Variants in STIM1 observed in about 807,000 individuals in gnomAD.
STIM1 encodes the protein stromal interaction molecule 1.
Under a neutral mutation model 74.7 loss-of-function variants are expected in STIM1, and 25 were observed. The observed-to-expected ratio is 0.33, with a 90% CI of 0.24 to 0.47. The LOEUF (loss-of-function observed/expected upper bound fraction) is 0.47. Among genes scored for constraint, STIM1 ranks in the 20% least tolerant of loss-of-function variants. The pLI is 1.00. For missense variants in STIM1, 728 were observed against 920.8 expected, an observed-to-expected ratio of 0.79 and a Z score of 2.71; for synonymous variants, 328 against 348.8, an observed-to-expected ratio of 0.94 and a Z score of 0.66.
intron 2 of STIM1, among the ~76,000 whole-genome samples, chr11:3,977,457 G>C (rs992094087): frequency 1.3e-5 from 2 of 152,166 alleles, no homozygotes; most frequent in Non-Finnish European, 2.9e-5. Flanking sequence ...ACTCCATTCT[G>C]CCTCTTCCAG....
intron 1 of STIM1, among the ~76,000 whole-genome samples, chr11:3,939,778 T>G (rs2092982361): frequency 6.6e-6 from 1 of 152,198 alleles, no homozygotes; most frequent in African/African-American, 2.4e-5. Flanking sequence ...ATTCTTTGTT[T>G]CCTTGGCCAG....
chr11:3,887,625 G>T (rs1329900882), intron 1 of STIM1, among the ~76,000 whole-genome samples: 2 of 152,128 alleles, frequency 1.3e-5, no homozygotes, highest in Non-Finnish European at 2.9e-5. Flanking sequence ...TACTTTTGGG[G>T]TATGGCTGCT....
At chr11:3,974,083 C>G (rs192851152) in intron 2 of STIM1, 3 of 703,598 alleles carry the variant, frequency 4.3e-6, no homozygotes, top group African/African-American at 3.5e-5. Flanking sequence ...CCCTGGAGCA[C>G]TTGGTATTTG....
intron 1 of STIM1, chr11:3,892,895 A>T (rs2091941257): frequency 6.9e-7 from 1 of 1,448,922 alleles, no homozygotes; most frequent in Admixed American, 1.7e-5. Context: ...CACGGCTGAT[A>T]GTACGGGGCT....
intron 1 of STIM1, among the ~76,000 whole-genome samples, chr11:3,901,621 A>G (rs953705514): frequency 6.6e-6 from 1 of 152,232 alleles, no homozygotes; most frequent in Non-Finnish European, 1.5e-5. Flanking sequence ...GCTCTATGAG[A>G]TTGCTGATAT....
At chr11:3,941,282 A>G (rs2093001594) in intron 1 of STIM1, among the ~76,000 whole-genome samples, 2 of 152,208 alleles carry the variant, frequency 1.3e-5, no homozygotes, top group African/African-American at 4.8e-5. Flanking sequence ...GTAGGTAATG[A>G]AGATCCATGA....
chr11:3,938,975 A>G (rs2092971161), intron 1 of STIM1, among the ~76,000 whole-genome samples: 1 of 152,160 alleles, frequency 6.6e-6, no homozygotes, highest in African/African-American at 2.4e-5. Context: ...GACTCTTACT[A>G]ATTTTCTCCA....
intron 1 of STIM1, among the ~76,000 whole-genome samples, chr11:3,915,672 T>C (rs7927493): frequency 0.93 from 141,437 of 152,200 alleles, 65,746 homozygotes; most frequent in African/African-American, 0.95. Flanking sequence ...GCTGGGATTA[T>C]AGGCATGAGC....
intron 3 of STIM1, among the ~76,000 whole-genome samples, chr11:4,042,736 C>T (rs1017441257): frequency 6.6e-6 from 1 of 152,156 alleles, no homozygotes; most frequent in African/African-American, 2.4e-5. Flanking sequence ...TCTTTGTTCA[C>T]GATTCTTTCT....
At chr11:3,909,272 T>A (rs2092520376) in intron 1 of STIM1, among the ~76,000 whole-genome samples, 1 of 152,108 alleles carries the variant, frequency 6.6e-6, no homozygotes, top group Non-Finnish European at 1.5e-5. Flanking sequence ...GCCGTCCTAA[T>A]AGAGCTTTGT....
At chr11:4,083,039 G>GCCCT in intron 9 of STIM1, 57 bp downstream of exon 9, 3 of 1,464,850 alleles carry the variant, frequency 2.0e-6, no homozygotes, top group Non-Finnish European at 2.9e-6. Context: ...AGAATTTGAG[G>GCCCT]GCATACAGGG....
At chr11:3,867,561 G>A (rs2135246403) in intron 1 of STIM1, among the ~76,000 whole-genome samples, 1 of 152,370 alleles carries the variant, frequency 6.6e-6, no homozygotes, top group South Asian at 2.1e-4. Flanking sequence ...TTGTTGTGCA[G>A]CAGAGAGATA....
intron 1 of STIM1, among the ~76,000 whole-genome samples, chr11:3,874,035 G>T (rs1011875540): frequency 5.3e-5 from 8 of 152,210 alleles, no homozygotes; most frequent in Non-Finnish European, 8.8e-5. Context: ...GCCTCCTAGA[G>T]TACCAGAAGT....
chr11:4,072,953 G>A (rs943603200), intron 6 of STIM1, among the ~76,000 whole-genome samples: 1 of 151,808 alleles, frequency 6.6e-6, no homozygotes, highest in East Asian at 1.9e-4. Flanking sequence ...CACAATTTGC[G>A]GGAAGCTTGC....
intron 2 of STIM1, chr11:4,019,075 G>A (rs942138230): frequency 5.4e-6 from 1 of 184,156 alleles, no homozygotes. Context: ...CTCCAGTGTT[G>A]CCATCAGTAC....
At chr11:3,981,898 A>G (rs2093508650) in intron 2 of STIM1, among the ~76,000 whole-genome samples, 1 of 152,252 alleles carries the variant, frequency 6.6e-6, no homozygotes, top group South Asian at 2.1e-4. Flanking sequence ...AGTAGAGCAA[A>G]AGTATGTACT....
intron 3 of STIM1, among the ~76,000 whole-genome samples, chr11:4,054,778 A>T (rs1165560563): frequency 6.6e-6 from 1 of 152,144 alleles, no homozygotes; most frequent in African/African-American, 2.4e-5. Flanking sequence ...ACCTGTCTTC[A>T]TTCTGTATTG....
Position 3,872,380 on chromosome 11 carries a change from G to C in STIM1, c.139+15971G>C, listed in dbSNP as rs1000151873. Among the ~76,000 whole-genome samples the C allele has an allele frequency of 2.6e-5, 4 of 152,280 alleles. No homozygotes were observed. In the East Asian group the frequency reaches 7.7e-4, roughly 29 times the overall value. The stretch of plus-strand genomic sequence containing the variant: ...GTTTTCTAACTCTTAATGACAACAG[G>C]AAAAGTGTGGCTACACTGGCATTAC... On this transcript the variant is annotated intron_variant, in intron 1 of 12. Coordinates refer to ENST00000526596, the MANE Select transcript of STIM1 (RefSeq NM_001382567.1).
intron 1 of STIM1, among the ~76,000 whole-genome samples, chr11:3,920,716 T>C (rs1019953041): frequency 3.3e-5 from 5 of 152,126 alleles, no homozygotes; most frequent in Non-Finnish European, 4.4e-5. Context: ...CTGGCCAAGA[T>C]AGTGAACCAA....
Sources: gnomAD v4.1 joint callset for allele counts (sites outside exome capture counted in the v4.1 genomes callset) on GRCh38, gnomAD v4.1.1 for gene constraint, MANE v1.5 for transcripts, NCBI Gene and HGNC (gene_info 2026-07-23, HGNC 2026-07-21) for gene names.